The following TMEM132D variants were observed in gnomAD, a reference collection of about 807,000 sequenced individuals.
TMEM132D encodes the protein mature OL transmembrane protein.
Under a neutral mutation model 62.3 loss-of-function variants are expected in TMEM132D, and 21 were observed. The observed-to-expected ratio is 0.34, with a 90% confidence interval of 0.24 to 0.49. The LOEUF (loss-of-function observed/expected upper bound fraction) is 0.49, where lower values mean the gene tolerates loss of function less well. TMEM132D is among the 20% of genes least tolerant of loss of function. The pLI is 0.99. For synonymous variants in TMEM132D, 621 were observed against 575.6 expected (o/e 1.08, Z -1.13); for missense variants, 1,346 against 1,402.8 (o/e 0.96, Z 0.65).
At chr12:129,439,404 G>A (rs1355586435) in intron 3 of TMEM132D, among the ~76,000 whole-genome samples, 3 of 152,102 alleles carry the variant, frequency 2.0e-5, no homozygotes, top group African/African-American at 7.2e-5. Flanking sequence ...CCAGCATAAA[G>A]GTGAATGGAC....
At chr12:129,178,062 G>C (rs925048345) in intron 5 of TMEM132D, among the ~76,000 whole-genome samples, 1 of 152,134 alleles carries the variant, frequency 6.6e-6, no homozygotes, top group Admixed American at 6.5e-5. Context: ...GAGGATAATG[G>C]CTTCCAGCTT....
At chr12:129,338,182 T>C (rs553688569) in intron 3 of TMEM132D, among the ~76,000 whole-genome samples, 75 of 152,228 alleles carry the variant, frequency 4.9e-4, no homozygotes, top group Non-Finnish European at 8.7e-4. Context: ...CTCTCACAAA[T>C]TTCTAGGCAA....
chr12:129,672,983 G>A (rs1226198411), intron 2 of TMEM132D, among the ~76,000 whole-genome samples: 1 of 152,142 alleles, frequency 6.6e-6, no homozygotes, highest in Non-Finnish European at 1.5e-5. Context: ...CCTGACCTCA[G>A]GTGATCTGCC....
chr12:129,801,425 C>T (rs1447397908), intron 1 of TMEM132D, among the ~76,000 whole-genome samples: 2 of 151,702 alleles, frequency 1.3e-5, no homozygotes, highest in Admixed American at 6.6e-5. Context: ...CCAGCAGGGG[C>T]ACACTGACAC....
At chr12:129,662,194 A>C (rs183040617) in intron 2 of TMEM132D, among the ~76,000 whole-genome samples, 14 of 152,320 alleles carry the variant, frequency 9.2e-5, no homozygotes, top group African/African-American at 3.4e-4. Flanking sequence ...GGATGAAGGT[A>C]TGTCTAACTT....
At chr12:129,328,056 A>G (rs1868975887) in intron 4 of TMEM132D, among the ~76,000 whole-genome samples, 1 of 152,182 alleles carries the variant, frequency 6.6e-6, no homozygotes, top group Non-Finnish European at 1.5e-5. Context: ...CTGTCTGGAA[A>G]GCCAGCTCCT....
At chr12:129,455,188 A>G (rs1334083698) in intron 3 of TMEM132D, among the ~76,000 whole-genome samples, 1 of 152,238 alleles carries the variant, frequency 6.6e-6, no homozygotes, top group Non-Finnish European at 1.5e-5. Context: ...CTATAAAGCC[A>G]TGGGAATAAG....
intron 4 of TMEM132D, among the ~76,000 whole-genome samples, chr12:129,285,137 G>T (rs150946912): frequency 1.0e-3 from 152 of 152,280 alleles, no homozygotes; most frequent in African/African-American, 3.6e-3. Flanking sequence ...CCCCAAGAGG[G>T]GATGTGGCCC....
At position 129,371,687 on chromosome 12, in the gene TMEM132D, CAAT is replaced by C. The variant is rs964032941; in HGVS notation, c.1116-33873_1116-33871del. Among the ~76,000 whole-genome samples the C allele has an allele frequency of 2.6e-5, 4 of 151,576 alleles. No individual in the cohort carries two copies. The highest frequency in any genetic ancestry group is 1.9e-4 in the East Asian group (1 of 5,154). On this transcript the variant is annotated intron_variant, in intron 3 of 8. Transcript: ENST00000422113. This position sits in a 1 kb window ranked among gnomAD's most constrained non-coding sequence, Gnocchi z 4.3. Reference sequence around the variant, plus strand: ...ATGGTGTGGATGATGATGATGGTGACAATGATGATGTGATGATAGTGATGGTGA... The same window carrying C: ...ATGGTGTGGATGATGATGATGGTGACGATGATGTGATGATAGTGATGGTGA...
chr12:129,582,562 G>C (rs1877901016), intron 2 of TMEM132D, among the ~76,000 whole-genome samples: 1 of 152,076 alleles, frequency 6.6e-6, no homozygotes, highest in Admixed American at 6.6e-5. Context: ...TCCTAGTGTT[G>C]AGAACTTAGG....
rs1008737713 is a variant in TMEM132D, at chr12:129,207,627, G to C, written c.1443+1893C>G. Among the ~76,000 whole-genome samples, 6 of 152,152 alleles carry C rather than the reference G, an allele frequency of 3.9e-5. 1 individual carries two copies. The highest frequency in any genetic ancestry group is 2.6e-4 in the Admixed American group (4 of 15,286). ...ACAGGAGTGGCCGAGTCTCCAGTGT[G>C]GCCAGAGTGGAGGCAGCCAGAGGGG... On this transcript the variant is annotated intron_variant, in intron 5 of 8. Coordinates refer to ENST00000422113, the MANE Select transcript of TMEM132D (RefSeq NM_133448.3).
chr12:129,868,993 T>C (rs151063932), intron 1 of TMEM132D, among the ~76,000 whole-genome samples: 1,784 of 152,016 alleles, frequency 0.012, 17 homozygotes, highest in Non-Finnish European at 0.016. Context: ...GGGTTGCAAA[T>C]TGGCTGGGTT....
Position 129,234,138 on chromosome 12 carries a change from T to C in TMEM132D, c.1300-24475A>G, listed in dbSNP as rs146025482. ...CATTTAGAAAACTTCATAAAAGTGA[T>C]TGCAGGAGAAAATAAGAAATGTACT... is the stretch of plus-strand genomic sequence containing the variant. On this transcript the variant is annotated intron_variant, in intron 4 of 8. Coordinates refer to ENST00000422113, the MANE Select transcript of TMEM132D (RefSeq NM_133448.3). Among the ~76,000 whole-genome samples the C allele has an allele frequency of 1.9e-4, 29 of 152,314 alleles. No homozygotes were observed. The East Asian group carries it at 5.4e-3, about 28-fold the overall frequency.
At chr12:129,702,770 G>T (rs747340311) in intron 1 of TMEM132D, among the ~76,000 whole-genome samples, 1 of 152,234 alleles carries the variant, frequency 6.6e-6, no homozygotes, top group Non-Finnish European at 1.5e-5. Flanking sequence ...AGAGTGCCTG[G>T]TAAATGTCAG....
intron 3 of TMEM132D, among the ~76,000 whole-genome samples, chr12:129,344,539 A>G (rs895854122): frequency 2.0e-5 from 3 of 152,174 alleles, no homozygotes; most frequent in Admixed American, 6.5e-5. Flanking sequence ...AAAGGCAAGG[A>G]TGCTTGACCA....
In TMEM132D at chr12:129,195,298, CAGA is replaced by C. The variant is rs536197646; in HGVS notation, c.1443+14219_1443+14221del. On this transcript the variant is annotated intron_variant, in intron 5 of 8. Transcript: ENST00000422113. The stretch of plus-strand genomic sequence containing the variant: ...GAGTCATCAAGAAGCCCAGTGTGGC[CAGA>C]AGGAGAGTTGCAGGAAATGAGGTGA... 3.8e-4 allele frequency among the ~76,000 whole-genome samples: 57 copies of C among 151,750 alleles called. 1 individual carries two copies. The East Asian group carries it at 0.011, about 28-fold the overall frequency.
chr12:129,749,924 T>C (rs1156617374), intron 1 of TMEM132D, among the ~76,000 whole-genome samples: 2 of 152,216 alleles, frequency 1.3e-5, no homozygotes, highest in Non-Finnish European at 2.9e-5. Context: ...ACATGCCTTT[T>C]AATCCTTTTC....
At chr12:129,334,406 G>C (rs1019921469) in intron 4 of TMEM132D, among the ~76,000 whole-genome samples, 1 of 152,158 alleles carries the variant, frequency 6.6e-6, no homozygotes, top group Non-Finnish European at 1.5e-5. Context: ...CAAAAGCAAA[G>C]TAATTTAATA....
At chr12:129,812,595 C>T (rs80193088) in intron 1 of TMEM132D, among the ~76,000 whole-genome samples, 4,302 of 151,790 alleles carry the variant, frequency 0.028, 237 homozygotes, top group African/African-American at 0.097. Context: ...CCTGTGTCTC[C>T]CAGTCAAACG....
Sources: allele counts gnomAD v4.1 joint callset (sites outside exome capture counted in the v4.1 genomes callset), GRCh38; gene constraint gnomAD v4.1.1; non-coding constraint Gnocchi (gnomAD v3.1); transcripts MANE v1.5; gene names NCBI Gene and HGNC (gene_info 2026-07-23, HGNC 2026-07-21).